Variants in OPCML observed in about 807,000 individuals in gnomAD.
OPCML encodes opioid binding protein/cell adhesion molecule like.
OPCML carries 13 observed loss-of-function variants against 37.8 expected under a neutral mutation model. The observed-to-expected ratio is 0.34, with a 90% CI of 0.22 to 0.55. The LOEUF (loss-of-function observed/expected upper bound fraction) is 0.55, where lower values mean the gene tolerates loss of function less well. Among genes scored for constraint, OPCML ranks in the 20% least tolerant of loss-of-function variants. The pLI, the probability that OPCML is intolerant of heterozygous loss-of-function variation, is 0.91. For missense variants in OPCML, 341 were observed against 435.6 expected, an observed-to-expected ratio of 0.78 and a Z score of 1.93; for synonymous variants, 176 against 168.8, an observed-to-expected ratio of 1.04 and a Z score of -0.33.
chr11:132,831,839 A>G (rs1269376525), intron 2 of OPCML, among the ~76,000 whole-genome samples: 2 of 152,056 alleles, frequency 1.3e-5, no homozygotes, highest in African/African-American at 4.8e-5. Context: ...TCATTCAAGG[A>G]GTTTTCTTTT....
Position 132,652,488 on chromosome 11 carries a change from C to G in OPCML, c.379+4599G>C, listed in dbSNP as rs907571952. Among the ~76,000 whole-genome samples the G allele has an allele frequency of 1.2e-4, 18 of 152,132 alleles. No individual in the cohort carries two copies. In the South Asian group the frequency reaches 3.3e-3, roughly 28 times the overall value. On this transcript the variant is annotated intron_variant, in intron 3 of 7. Transcript: ENST00000524381. ...TGCAGAATGCTGAAAAGACACTACT[C>G]TGAAAGTCCTGTGGCCATGGTTCAA...
intron 3 of OPCML, among the ~76,000 whole-genome samples, chr11:132,584,324 T>G (rs1045485933): frequency 1.3e-5 from 2 of 152,144 alleles, no homozygotes; most frequent in Non-Finnish European, 1.5e-5. Flanking sequence ...AAAGGAGACC[T>G]AGATACAGGG....
intron 1 of OPCML, among the ~76,000 whole-genome samples, chr11:133,363,967 C>T (rs893706348): frequency 1.3e-5 from 2 of 152,152 alleles, no homozygotes; most frequent in East Asian, 1.9e-4. Flanking sequence ...CTAGCCCTGA[C>T]GCTGCACAGC....
At chr11:132,564,007 T>C (rs1229332653) in intron 3 of OPCML, among the ~76,000 whole-genome samples, 1 of 152,166 alleles carries the variant, frequency 6.6e-6, no homozygotes, top group African/African-American at 2.4e-5. Flanking sequence ...CAGCGTTGCA[T>C]ACCTAAAGAA....
At chr11:133,245,501 G>A (rs1940888499) in intron 1 of OPCML, among the ~76,000 whole-genome samples, 3 of 152,096 alleles carry the variant, frequency 2.0e-5, no homozygotes, top group Non-Finnish European at 2.9e-5. Flanking sequence ...AACCTCATGA[G>A]CACCCAAAGC....
At chr11:133,230,645 G>A (rs1046416217) in intron 1 of OPCML, among the ~76,000 whole-genome samples, 9 of 152,100 alleles carry the variant, frequency 5.9e-5, no homozygotes, top group Admixed American at 2.6e-4. Flanking sequence ...TTAATCAGTC[G>A]CACGCAATAA....
At chr11:133,094,861 CA>C (rs1412055008) in intron 1 of OPCML, among the ~76,000 whole-genome samples, 3 of 152,046 alleles carry the variant, frequency 2.0e-5, no homozygotes, top group African/African-American at 7.2e-5. Context: ...TTCATGACAA[CA>C]TGAATATAAA....
Position 132,461,972 on chromosome 11 carries a change from A to G in OPCML, c.506-24613T>C, listed in dbSNP as rs182036211. On this transcript the variant is annotated intron_variant, in intron 4 of 7. Coordinates refer to ENST00000524381, the MANE Select transcript of OPCML (RefSeq NM_001012393.5). ...ACACTTAGGAATTATGGAAACTACAATTCAAGGTGACATTTGGGTGGGAAC... is the reference window on the plus strand; with the variant it reads ...ACACTTAGGAATTATGGAAACTACAGTTCAAGGTGACATTTGGGTGGGAAC... Among the ~76,000 whole-genome samples, 171 of 152,308 alleles carry G rather than the reference A, an allele frequency of 1.1e-3. 1 individual carries two copies. Among genetic ancestry groups the G allele is most frequent in the Non-Finnish European group, 1.6e-3 (107 of 68,028 alleles).
At chr11:132,986,166 C>A (rs369010353) in intron 1 of OPCML, among the ~76,000 whole-genome samples, 5 of 152,130 alleles carry the variant, frequency 3.3e-5, no homozygotes, top group East Asian at 1.9e-4. Flanking sequence ...AACCTCCAGT[C>A]TTCCCATAGC....
intron 1 of OPCML, among the ~76,000 whole-genome samples, chr11:133,035,712 A>C (rs1947766711): frequency 6.6e-6 from 1 of 152,146 alleles, no homozygotes; most frequent in African/African-American, 2.4e-5. Context: ...ATGGACCTTT[A>C]AAGAGGTGAT....
chr11:133,030,440 C>A (rs1947645498), intron 1 of OPCML, among the ~76,000 whole-genome samples: 1 of 152,180 alleles, frequency 6.6e-6, no homozygotes, highest in Non-Finnish European at 1.5e-5. Flanking sequence ...TTGTCTCTCT[C>A]CTGAACCACA....
chr11:133,116,967 G>A (rs1036528349), intron 1 of OPCML, among the ~76,000 whole-genome samples: 2 of 151,950 alleles, frequency 1.3e-5, no homozygotes, highest in African/African-American at 4.8e-5. Context: ...GAATTATACT[G>A]TAGAAGATAT....
intron 2 of OPCML, among the ~76,000 whole-genome samples, chr11:132,725,599 T>C (rs544344229): frequency 2.0e-5 from 3 of 152,272 alleles, no homozygotes; most frequent in Admixed American, 1.3e-4. Flanking sequence ...TTCTTTTCTA[T>C]TGCATTGTTA....
At chr11:132,670,625 A>C (rs2135815174) in intron 2 of OPCML, among the ~76,000 whole-genome samples, 1 of 152,302 alleles carries the variant, frequency 6.6e-6, no homozygotes. Context: ...TCACAGGTCT[A>C]TAATTTACTA....
intron 2 of OPCML, among the ~76,000 whole-genome samples, chr11:132,789,881 C>T (rs1274073094): frequency 3.3e-5 from 5 of 152,148 alleles, no homozygotes; most frequent in African/African-American, 4.8e-5. Flanking sequence ...TTCTCAAGCT[C>T]TCATCTAACA....
At chr11:132,734,770 G>A (rs1945195107) in intron 2 of OPCML, among the ~76,000 whole-genome samples, 1 of 152,144 alleles carries the variant, frequency 6.6e-6, no homozygotes, top group Non-Finnish European at 1.5e-5. Flanking sequence ...AAAACGTAAA[G>A]TACAGACAAT....
chr11:132,570,118 T>C (rs367638500), intron 3 of OPCML, among the ~76,000 whole-genome samples: 3 of 152,198 alleles, frequency 2.0e-5, no homozygotes, highest in African/African-American at 7.2e-5. Context: ...AATTCATAAA[T>C]AACGGGTTCA....
intron 2 of OPCML, among the ~76,000 whole-genome samples, chr11:132,690,191 C>T (rs1943341047): frequency 2.0e-5 from 3 of 152,158 alleles, no homozygotes; most frequent in Admixed American, 2.0e-4. Context: ...CCTCCCACCT[C>T]AGTCTCACAA....
chr11:132,648,699 A>G (rs1441909149), intron 3 of OPCML, among the ~76,000 whole-genome samples: 1 of 152,010 alleles, frequency 6.6e-6, no homozygotes, highest in East Asian at 1.9e-4. Flanking sequence ...AATCATCATC[A>G]AACCAGGTGC....
Sources: allele counts gnomAD v4.1 joint callset (sites outside exome capture counted in the v4.1 genomes callset), GRCh38; gene constraint gnomAD v4.1.1; transcripts MANE v1.5; gene names NCBI Gene and HGNC (gene_info 2026-07-23, HGNC 2026-07-21).